Variants in ACACA observed in about 807,000 individuals in gnomAD.
The protein encoded by ACACA is acetyl-CoA carboxylase 1.
In ACACA, 103 loss-of-function variants were observed where a neutral mutation model predicts 296.1. That is an observed-to-expected ratio of 0.35 (90% CI 0.30 to 0.41). The LOEUF (loss-of-function observed/expected upper bound fraction) is 0.41, where lower values mean the gene tolerates loss of function less well. ACACA is among the 10% of genes least tolerant of loss of function. The pLI is 1.00. For synonymous variants in ACACA, 953 were observed against 1,038.6 expected (o/e 0.92, Z 1.58); for missense variants, 1,554 against 2,989.7 (o/e 0.52, Z 11.20).
chr17:37,164,673 A>C (rs77166431), intron 41 of ACACA, among the ~76,000 whole-genome samples: 19,259 of 152,228 alleles, frequency 0.13, 1,860 homozygotes, highest in East Asian at 0.45. Context: ...CTGCATGAGG[A>C]GAAATGCTTT....
chr17:37,202,600 G>GA (rs1410179322), intron 33 of ACACA, among the ~76,000 whole-genome samples: 1 of 146,590 alleles, frequency 6.8e-6, no homozygotes, highest in Non-Finnish European at 1.5e-5. Flanking sequence ...ATCATGAAGT[G>GA]AAAAACAAAA....
At chr17:37,292,698 A>T (rs1467511160) in intron 3 of ACACA, among the ~76,000 whole-genome samples, 8 of 152,168 alleles carry the variant, frequency 5.3e-5, no homozygotes, top group Admixed American at 5.2e-4. Context: ...TCTACTTAAA[A>T]AAAACAAAAA....
intron 18 of ACACA, 102 bp from the exon 19 acceptor site, chr17:37,247,078 TTA>T (rs2080743601): frequency 7.8e-7 from 1 of 1,274,978 alleles, no homozygotes; most frequent in South Asian, 1.2e-5. Flanking sequence ...CCTGAAAACT[TTA>T]TTATACACAC....
chr17:37,272,364 T>C (rs930684048), intron 9 of ACACA, among the ~76,000 whole-genome samples: 1 of 152,102 alleles, frequency 6.6e-6, no homozygotes, highest in Non-Finnish European at 1.5e-5. Context: ...ATAAAATAAG[T>C]ATCACCCAGA....
chr17:37,215,833 T>C (rs2078956184), intron 29 of ACACA, among the ~76,000 whole-genome samples: 1 of 152,052 alleles, frequency 6.6e-6, no homozygotes, highest in African/African-American at 2.4e-5. Context: ...GAAAAAGGAA[T>C]ATTCAATGAT....
At chr17:37,255,972 C>A (rs931987716) in intron 14 of ACACA, among the ~76,000 whole-genome samples, 1 of 152,094 alleles carries the variant, frequency 6.6e-6, no homozygotes, top group African/African-American at 2.4e-5. Flanking sequence ...GTCTCAAACT[C>A]CTGACCTTAA....
intron 29 of ACACA, among the ~76,000 whole-genome samples, chr17:37,215,405 T>C (rs187866879): frequency 9.8e-5 from 15 of 152,328 alleles, no homozygotes; most frequent in Admixed American, 3.3e-4. Context: ...AAAAGATTAC[T>C]CATGTTCACT....
intron 3 of ACACA, among the ~76,000 whole-genome samples, chr17:37,310,694 C>T (rs2084087569): frequency 6.8e-6 from 1 of 146,670 alleles, no homozygotes; most frequent in South Asian, 2.2e-4. Flanking sequence ...ACCTGGGAGA[C>T]TGAAGCAGGA....
intron 1 of ACACA, among the ~76,000 whole-genome samples, chr17:37,400,740 CTGTG>C (rs71135716): frequency 7.9e-4 from 116 of 147,550 alleles, no homozygotes; most frequent in African/African-American, 2.8e-3. Context: ...GTGTGTGTGT[CTGTG>C]TGTGTGTGTG....
chr17:37,253,625 GAACAAATTAT>G (rs2081095485), intron 14 of ACACA, among the ~76,000 whole-genome samples: 1 of 152,128 alleles, frequency 6.6e-6, no homozygotes, highest in Non-Finnish European at 1.5e-5. Context: ...AATGAGTACA[GAACAAATTAT>G]AACAAATTAT....
At position 37,173,997 on chromosome 17, in the gene ACACA, TA is replaced by T. The variant is rs1567761684; in HGVS notation, c.5079+5262del. 3.9e-3 allele frequency among the ~76,000 whole-genome samples: 45 copies of T among 11,604 alleles called. 3 individuals are homozygous for T. The highest frequency in any genetic ancestry group is 5.7e-3 in the Admixed American group (5 of 882). The allele number at this position is 11,604 out of a possible 152,430, so 7.6% of individuals were successfully genotyped here. A position where few individuals can be genotyped will look rare whatever the true frequency, so the allele number is the denominator to read the frequency against. On this transcript the variant is annotated intron_variant, in intron 41 of 55. Transcript: ENST00000616317. ...CCTGGCTAATTTATATATATATATA[TA>T]TATATATATATATATATATATATTT...
Position 37,274,726 on chromosome 17 carries a change from CAG to C in ACACA, c.902-429_902-428del, listed in dbSNP as rs545880132. On this transcript the variant is annotated intron_variant, in intron 8 of 55. Transcript: ENST00000616317. ...GAAATGGCGGTTTTATTGGCCTCAG[CAG>C]AGTCATGATTCCATGCTCTCTGAAC... 2.6e-3 allele frequency: 2,449 copies of C among 952,218 alleles called. 5 individuals carry two copies. The highest frequency in any genetic ancestry group is 3.8e-3 in the Admixed American group (61 of 16,232). The allele number at this position is 952,218 out of a possible 1,614,324, so 59.0% of individuals were successfully genotyped here.
At chr17:37,251,868 C>G in intron 16 of ACACA, 137 bp downstream of exon 16, 1 of 831,738 alleles carries the variant, frequency 1.2e-6, no homozygotes, top group Non-Finnish European at 2.0e-6. Context: ...CTCTTTCTTG[C>G]CACCATGGTC....
At chr17:37,209,513 C>T (rs1248057821) in intron 30 of ACACA, among the ~76,000 whole-genome samples, 3 of 152,098 alleles carry the variant, frequency 2.0e-5, no homozygotes, top group African/African-American at 7.2e-5. Context: ...TGCTTGTGAA[C>T]CAGGGTGGCT....
At position 37,086,011 on chromosome 17, in the gene ACACA, G is replaced by C; in HGVS notation, c.*1305C>G. 1 of 393,752 alleles carries C rather than the reference G, an allele frequency of 2.5e-6. No individual in the cohort carries two copies. The allele number at this position is 393,752 out of a possible 1,614,324, so 24.4% of individuals were successfully genotyped here. A position where few individuals can be genotyped will look rare whatever the true frequency, so the allele number is the denominator to read the frequency against. The stretch of plus-strand genomic sequence containing the variant: ...TTCTTGAATAAACTAGTTGTTGAAA[G>C]TAAACTCTCTCCACCACCTGAGGAA... On this transcript the variant is annotated 3_prime_UTR_variant, in exon 56 of 56. Coordinates refer to ENST00000616317, the MANE Select transcript of ACACA (RefSeq NM_198834.3).
chr17:37,217,753 A>AC lies in ACACA; in HGVS notation c.3683+3970_3683+3971insG, dbSNP rs2079086656. 2.3e-3 allele frequency among the ~76,000 whole-genome samples: 218 copies of AC among 94,222 alleles called. 3 individuals carry two copies. The highest frequency in any genetic ancestry group is 8.4e-3 in the South Asian group (23 of 2,752). 61.8% of individuals were successfully genotyped at this position (94,222 alleles called of 152,430 possible). ...CCATCTCAAAAAAAAAAAAAAAAAA[A>AC]AAAAAAAAAAACAACCTGTTTTCTC... On this transcript the variant is annotated intron_variant, in intron 29 of 55. Transcript: ENST00000616317.
intron 1 of ACACA, among the ~76,000 whole-genome samples, chr17:37,371,878 G>A (rs957807270): frequency 1.3e-5 from 2 of 151,346 alleles, no homozygotes; most frequent in Non-Finnish European, 2.9e-5. Context: ...CCAGCCTGGG[G>A]GACACAGCGA....
chr17:37,129,623 G>T, intron 46 of ACACA, 138 bp from the exon 47 acceptor site: 1 of 1,190,374 alleles, frequency 8.4e-7, no homozygotes, highest in Non-Finnish European at 1.2e-6. Context: ...TCAGCTGGAA[G>T]AATCCTACGT....
intron 8 of ACACA, chr17:37,274,558 A>G (rs1054021415): frequency 1.1e-6 from 1 of 928,700 alleles, no homozygotes; most frequent in Non-Finnish European, 1.3e-6. Context: ...AAAGACGTAC[A>G]AGATCAAAAC....
Sources: gnomAD v4.1 joint callset for allele counts (sites outside exome capture counted in the v4.1 genomes callset) on GRCh38, gnomAD v4.1.1 for gene constraint, MANE v1.5 for transcripts, NCBI Gene and HGNC (gene_info 2026-07-23, HGNC 2026-07-21) for gene names.